RIC1: variants seen among roughly 807,000 people sequenced by gnomAD.
The protein encoded by RIC1 is guanine nucleotide exchange factor subunit RIC1.
A neutral mutation model predicts 169.0 loss-of-function variants in RIC1; 88 were observed. The ratio of observed to expected loss-of-function variants is 0.52; its 90% CI spans 0.44 to 0.62. The LOEUF (loss-of-function observed/expected upper bound fraction) is 0.62. Ranked by LOEUF, RIC1 falls within the 20% of genes least tolerant of loss-of-function variation. The probability of loss-of-function intolerance (pLI) is 0.00; values close to 1 mark genes in which losing one functional copy is unlikely to be tolerated. For missense variants in RIC1, 1,877 were observed against 1,725.5 expected (o/e 1.09, Z -1.56); for synonymous variants, 790 against 601.5 (o/e 1.31, Z -4.59).
intron 2 of RIC1, among the ~76,000 whole-genome samples, chr9:5,684,394 A>G (rs1821081031): frequency 6.6e-6 from 1 of 150,590 alleles, no homozygotes; most frequent in Non-Finnish European, 1.5e-5. Context: ...TTGCTATCTT[A>G]GCAATATAAA....
chr9:5,726,684 G>C (rs1465692888), intron 6 of RIC1, among the ~76,000 whole-genome samples: 2 of 152,190 alleles, frequency 1.3e-5, no homozygotes, highest in East Asian at 1.9e-4. Flanking sequence ...TTTTGCAGTG[G>C]CTGGTACCAG....
chr9:5,715,727 TATTA>T (rs906632650), intron 4 of RIC1, among the ~76,000 whole-genome samples: 8 of 152,190 alleles, frequency 5.3e-5, no homozygotes, highest in Non-Finnish European at 1.0e-4. Flanking sequence ...TAACTTTTGT[TATTA>T]ATTGAGGATA....
chr9:5,712,059 A>G (rs1822963462), intron 3 of RIC1, among the ~76,000 whole-genome samples: 1 of 152,184 alleles, frequency 6.6e-6, no homozygotes, highest in Admixed American at 6.6e-5. Flanking sequence ...TCTTTATAGC[A>G]GCATGATTTA....
At chr9:5,641,637 A>AAGCAAAGTTTCCCAAATT (rs1422082402) in intron 1 of RIC1, among the ~76,000 whole-genome samples, 3 of 115,270 alleles carry the variant, frequency 2.6e-5, no homozygotes, top group Non-Finnish European at 3.4e-5. Flanking sequence ...TCCTCTGACT[A>AAGCAAAGTTTCCCAAATT]TATTGTCAAG....
rs994369222 is a variant in RIC1, at chr9:5,629,264, G to A, written c.-46G>A. 14 of 1,432,080 alleles carry A rather than the reference G, an allele frequency of 9.8e-6. No homozygotes were observed. The highest frequency in any genetic ancestry group is 5.1e-5 in the Admixed American group (2 of 39,108). 88.7% of individuals were successfully genotyped at this position (1,432,080 alleles called of 1,614,324 possible). Reference sequence around the variant, plus strand: ...GGTGGGCGACCAGCCCGGGGCCGCTGAGTGTGACGGACGCAACTGGGGGCG... The same window carrying A: ...GGTGGGCGACCAGCCCGGGGCCGCTAAGTGTGACGGACGCAACTGGGGGCG... On this transcript the variant is annotated 5_prime_UTR_variant, in exon 1 of 26. It removes the in-frame stop codon of an upstream open reading frame in the 5' UTR. Coordinates refer to ENST00000414202, the MANE Select transcript of RIC1 (RefSeq NM_020829.4).
At chr9:5,697,583 A>T (rs1262044135) in intron 3 of RIC1, among the ~76,000 whole-genome samples, 1 of 152,218 alleles carries the variant, frequency 6.6e-6, no homozygotes, top group Non-Finnish European at 1.5e-5. Context: ...AATACTTTTT[A>T]TTATTGTAAG....
chr9:5,695,607 C>T (rs772588573), intron 3 of RIC1, among the ~76,000 whole-genome samples: 10 of 141,512 alleles, frequency 7.1e-5, no homozygotes, highest in Non-Finnish European at 1.4e-4. Flanking sequence ...GAGTCTCGCT[C>T]TGTCGCCTGT....
intron 2 of RIC1, among the ~76,000 whole-genome samples, chr9:5,674,730 C>T (rs1820340967): frequency 6.6e-6 from 1 of 152,178 alleles, no homozygotes. Flanking sequence ...TCTCTTGGAA[C>T]TTGTGGATTA....
chr9:5,631,116 T>C lies in RIC1; in HGVS notation c.144+1663T>C, dbSNP rs141149597. ...TTCCCCCATAAGAGAAGCATAAACA[T>C]ATGCTTTAATTTAGGGACATTGTGA... On this transcript the variant is annotated intron_variant, in intron 1 of 25. Transcript: ENST00000414202. 2.3e-3 allele frequency among the ~76,000 whole-genome samples: 348 copies of C among 152,318 alleles called. 1 individual carries two copies. The highest frequency in any genetic ancestry group is 4.5e-3 in the Non-Finnish European group (306 of 68,026).
chr9:5,734,507 T>G (rs1290175869), intron 7 of RIC1, among the ~76,000 whole-genome samples: 1 of 152,234 alleles, frequency 6.6e-6, no homozygotes, highest in African/African-American at 2.4e-5. Flanking sequence ...CTTATACACC[T>G]TCAAACTTAC....
At position 5,732,488 on chromosome 9, in the gene RIC1, G is replaced by T. The variant is rs1444042699; in HGVS notation, c.812+9G>T. On this transcript the variant is annotated intron_variant, in intron 7 of 25. Coordinates refer to ENST00000414202, the MANE Select transcript of RIC1 (RefSeq NM_020829.4). ...GCATTTGGCTGTGTGAGGTATAATT[G>T]ATGTAGGCTTTTGCATTTTTAAGAG... 1 of 1,560,934 alleles carries T rather than the reference G, an allele frequency of 6.4e-7. No individual in the cohort carries two copies. Among genetic ancestry groups the T allele is most frequent in the Non-Finnish European group, 8.7e-7 (1 of 1,150,366 alleles).
At chr9:5,736,552 A>T in intron 7 of RIC1, among the ~76,000 whole-genome samples, 1 of 152,192 alleles carries the variant, frequency 6.6e-6, no homozygotes, top group Non-Finnish European at 1.5e-5. Flanking sequence ...AATCTGGGAA[A>T]ACCAAGGCAG....
At chr9:5,691,027 G>A (rs952931231) in intron 3 of RIC1, among the ~76,000 whole-genome samples, 6 of 151,786 alleles carry the variant, frequency 4.0e-5, no homozygotes, top group East Asian at 1.9e-4. Flanking sequence ...ATTACTGCTC[G>A]CAGAGGTATA....
intron 19 of RIC1, among the ~76,000 whole-genome samples, chr9:5,764,498 G>A (rs1038964930): frequency 6.6e-6 from 1 of 152,172 alleles, no homozygotes; most frequent in Non-Finnish European, 1.5e-5. Context: ...TTGGTTATTT[G>A]ATAGGCTACA....
intron 2 of RIC1, among the ~76,000 whole-genome samples, chr9:5,674,817 A>G (rs1003948183): frequency 5.3e-5 from 8 of 152,176 alleles, no homozygotes; most frequent in African/African-American, 1.9e-4. Context: ...CTTTGGAGAA[A>G]GGCACAGATC....
chr9:5,727,453 G>T (rs1207294899), intron 6 of RIC1, among the ~76,000 whole-genome samples: 1 of 152,148 alleles, frequency 6.6e-6, no homozygotes, highest in Non-Finnish European at 1.5e-5. Context: ...CTTTTTTCAA[G>T]ATTTTTTGCT....
At chr9:5,693,664 C>G (rs1260497311) in intron 3 of RIC1, among the ~76,000 whole-genome samples, 2 of 152,046 alleles carry the variant, frequency 1.3e-5, no homozygotes, top group African/African-American at 2.4e-5. Flanking sequence ...AGGGATAAGT[C>G]AGAAATAATT....
At chr9:5,733,755 G>A (rs926845583) in intron 7 of RIC1, among the ~76,000 whole-genome samples, 2 of 151,816 alleles carry the variant, frequency 1.3e-5, no homozygotes, top group African/African-American at 4.8e-5. Context: ...TTTAATGTTT[G>A]TGGATTGGAT....
rs545885377 is a variant in RIC1, at chr9:5,763,421, T to C, written c.2394T>C (p.Tyr798=). ...VLGAVNDTLL[Y]DSLYTRNNAR... ...GTGCTGTCAATGACACTTTGCTCTA[T>C]GATTCTTTATATACTCGGAACAATG... Residue 798 remains tyrosine (Y), a synonymous_variant, in exon 19 of 26, where the codon TAT becomes TAC. Transcript: ENST00000414202. The surrounding 1 kb of genome is among the most constrained non-coding windows in gnomAD (Gnocchi z 5.2). 7.4e-6 allele frequency: 12 copies of C among 1,614,218 alleles called. No homozygotes were observed. In the African/African-American group the frequency reaches 1.5e-4, roughly 20 times the overall value.
Sources: allele counts gnomAD v4.1 joint callset (sites outside exome capture counted in the v4.1 genomes callset), GRCh38; gene constraint gnomAD v4.1.1; non-coding constraint Gnocchi (gnomAD v3.1); transcripts MANE v1.5; gene names NCBI Gene and HGNC (gene_info 2026-07-23, HGNC 2026-07-21).